Variants in MCTP1 observed in about 807,000 individuals in gnomAD.
MCTP1 encodes multiple C2 and transmembrane domain containing 1, also known as multiple C2 and transmembrane domain-containing protein 1.
In MCTP1, 69 loss-of-function variants were observed where a neutral mutation model predicts 120.6. The observed-to-expected ratio is 0.57, with a 90% confidence interval of 0.47 to 0.70. The LOEUF (loss-of-function observed/expected upper bound fraction) is 0.70. Ranked by LOEUF, MCTP1 falls within the 30% of genes least tolerant of loss-of-function variation. MCTP1 has a pLI of 0.00. For missense variants in MCTP1, 1,203 were observed against 1,248.8 expected (o/e 0.96, Z 0.55); for synonymous variants, 529 against 493.1 (o/e 1.07, Z -0.96).
At chr5:95,059,031 C>T (rs1032630920) in intron 1 of MCTP1, among the ~76,000 whole-genome samples, 7 of 152,102 alleles carry the variant, frequency 4.6e-5, no homozygotes, top group African/African-American at 1.7e-4. Flanking sequence ...AGACTATCCT[C>T]TTAACCACCA....
chr5:94,914,087 C>T (rs1267460932), intron 8 of MCTP1, among the ~76,000 whole-genome samples: 3 of 152,098 alleles, frequency 2.0e-5, no homozygotes, highest in Non-Finnish European at 4.4e-5. Flanking sequence ...GCCACATAAT[C>T]TCTTTAAACT....
chr5:95,061,348 A>ATACATGTTT (rs1264046334), intron 1 of MCTP1, among the ~76,000 whole-genome samples: 1 of 143,140 alleles, frequency 7.0e-6, no homozygotes, highest in Non-Finnish European at 1.5e-5. Flanking sequence ...GATTGTCTTT[A>ATACATGTTT]TACATGTTTT....
chr5:95,014,322 AT>A (rs1330043661), intron 2 of MCTP1, among the ~76,000 whole-genome samples: 4 of 152,118 alleles, frequency 2.6e-5, no homozygotes, highest in Non-Finnish European at 1.5e-5. Flanking sequence ...CAACATTAAC[AT>A]GGGTTTGGAA....
At chr5:95,097,837 G>A (rs748856282) in intron 1 of MCTP1, among the ~76,000 whole-genome samples, 1 of 152,138 alleles carries the variant, frequency 6.6e-6, no homozygotes, top group Non-Finnish European at 1.5e-5. Flanking sequence ...TAGGTTTTTG[G>A]TCCAACAACT....
At chr5:94,885,496 T>G (rs1486200682) in intron 12 of MCTP1, among the ~76,000 whole-genome samples, 1 of 152,052 alleles carries the variant, frequency 6.6e-6, no homozygotes, top group Non-Finnish European at 1.5e-5. Context: ...AGGCAAAAAT[T>G]AGGCCCTGCT....
At chr5:94,777,927 CGTGTGTGTGT>C (rs71615135) in intron 19 of MCTP1, among the ~76,000 whole-genome samples, 33 of 148,960 alleles carry the variant, frequency 2.2e-4, no homozygotes, top group Admixed American at 5.4e-4. Context: ...AGAAAGTGTG[CGTGTGTGTGT>C]GTGTGTGTGT....
intron 1 of MCTP1, among the ~76,000 whole-genome samples, chr5:95,230,473 T>A (rs1484332319): frequency 2.0e-5 from 3 of 152,144 alleles, no homozygotes; most frequent in African/African-American, 7.2e-5. Context: ...CTCATTCTGC[T>A]TTTGGTCCTT....
intron 1 of MCTP1, among the ~76,000 whole-genome samples, chr5:95,136,672 AATAATT>A (rs1759473041): frequency 6.6e-6 from 1 of 152,182 alleles, no homozygotes; most frequent in Admixed American, 6.5e-5. Context: ...TAATCTTTAC[AATAATT>A]TTATATGTAA....
chr5:95,091,429 A>T (rs1395937648), intron 1 of MCTP1, among the ~76,000 whole-genome samples: 1 of 152,144 alleles, frequency 6.6e-6, no homozygotes, highest in African/African-American at 2.4e-5. Context: ...TGAAACTCAG[A>T]TGACTTTTGT....
chr5:94,793,224 T>C (rs1193764517), intron 18 of MCTP1: 9 of 152,234 alleles, frequency 5.9e-5, no homozygotes, highest in Admixed American at 5.9e-4. Flanking sequence ...ATGCACTATG[T>C]ACAGCAAGTG....
intron 2 of MCTP1, among the ~76,000 whole-genome samples, chr5:94,954,666 T>C (rs1373714728): frequency 1.3e-5 from 2 of 152,194 alleles, no homozygotes; most frequent in African/African-American, 4.8e-5. Context: ...TATAAAAAGA[T>C]GTTGAATAAT....
chr5:95,143,927 G>A (rs1257716127), intron 1 of MCTP1, among the ~76,000 whole-genome samples: 3 of 152,240 alleles, frequency 2.0e-5, no homozygotes, highest in African/African-American at 7.2e-5. Context: ...TTTAGTAATG[G>A]GATTGCTGGG....
chr5:95,012,614 A>G (rs1048802313), intron 2 of MCTP1, among the ~76,000 whole-genome samples: 2 of 152,082 alleles, frequency 1.3e-5, no homozygotes, highest in Non-Finnish European at 2.9e-5. Context: ...CTTCTTCATT[A>G]TTATTATACC....
chr5:95,183,203 G>T (rs894833568), intron 1 of MCTP1, among the ~76,000 whole-genome samples: 2 of 151,794 alleles, frequency 1.3e-5, no homozygotes, highest in Non-Finnish European at 2.9e-5. Flanking sequence ...AATGGATAGT[G>T]GTCTCAAAAA....
chr5:94,909,925 T>A (rs1226444062), intron 9 of MCTP1, among the ~76,000 whole-genome samples: 4 of 151,990 alleles, frequency 2.6e-5, no homozygotes, highest in Non-Finnish European at 4.4e-5. Flanking sequence ...TATCTTAGAC[T>A]TATAGCACTG....
chr5:94,917,918 T>C lies in MCTP1; in HGVS notation c.1328A>G (p.Asn443Ser), dbSNP rs1810523141. The change falls in exon 8 of 23, where the codon AAT becomes AGT. Residue 443 changes from asparagine (N) to serine (S), a missense_variant. By Grantham distance (46) the Asn-to-Ser change is conservative. Transcript: ENST00000515393. ...TACTTGTACATTTTTGCAATAAGGA[T>C]TCTGAAGCTCTGCTCTGCAGAAGCC... ...VLGFCRAELQ[N>S]PYCKNVQFQT... 6.2e-7 allele frequency: 1 copy of C among 1,613,814 alleles called. No homozygotes were observed. Among genetic ancestry groups the C allele is most frequent in the African/African-American group, 1.3e-5 (1 of 74,890 alleles).
intron 17 of MCTP1, among the ~76,000 whole-genome samples, chr5:94,853,569 C>G (rs1007695780): frequency 6.6e-5 from 10 of 151,840 alleles, no homozygotes; most frequent in African/African-American, 2.4e-4. Context: ...GCTCAGAAAA[C>G]CCTTCTGACA....
intron 1 of MCTP1, among the ~76,000 whole-genome samples, chr5:95,100,164 C>T (rs1756620453): frequency 6.6e-6 from 1 of 150,934 alleles, no homozygotes; most frequent in Admixed American, 6.6e-5. Flanking sequence ...GGGAGATATA[C>T]CTAATGCTAG....
chr5:95,184,650 G>C (rs372104556), intron 1 of MCTP1, among the ~76,000 whole-genome samples: 23 of 152,240 alleles, frequency 1.5e-4, no homozygotes, highest in African/African-American at 5.5e-4. Flanking sequence ...TAACAAATTA[G>C]CTACAAGATT....
Sources: gnomAD v4.1 joint callset for allele counts (sites outside exome capture counted in the v4.1 genomes callset) on GRCh38, gnomAD v4.1.1 for gene constraint, MANE v1.5 for transcripts, NCBI Gene and HGNC (gene_info 2026-07-23, HGNC 2026-07-21) for gene names.